The following COX10 variants were observed in gnomAD, a reference collection of about 807,000 sequenced individuals.
COX10 encodes the protein protoheme IX farnesyltransferase, mitochondrial.
A neutral mutation model predicts 37.3 loss-of-function variants in COX10; 27 were observed. The observed-to-expected ratio is 0.72, with a 90% CI of 0.53 to 1.00. COX10 has a LOEUF of 1.00. COX10 is among the 50% of genes least tolerant of loss of function. The pLI is 0.00. For synonymous variants in COX10, 222 were observed against 229.1 expected (o/e 0.97, Z 0.28); for missense variants, 475 against 563.2 (o/e 0.84, Z 1.59).
At chr17:14,138,094 T>G (rs753713092) in intron 4 of COX10, among the ~76,000 whole-genome samples, 54 of 152,024 alleles carry the variant, frequency 3.6e-4, no homozygotes, top group Non-Finnish European at 5.0e-4. Flanking sequence ...ATGAATAAAA[T>G]TTCCTTACAA....
At chr17:14,198,447 C>T (rs1906434547) in intron 6 of COX10, among the ~76,000 whole-genome samples, 1 of 152,066 alleles carries the variant, frequency 6.6e-6, no homozygotes, top group Admixed American at 6.5e-5. Flanking sequence ...TGAATAAGTC[C>T]CATGTTTCGG....
chr17:14,078,045 A>G (rs543233641), intron 3 of COX10, among the ~76,000 whole-genome samples: 162 of 152,058 alleles, frequency 1.1e-3, no homozygotes, highest in African/African-American at 3.8e-3. Context: ...TGAAGAAATG[A>G]TGAATAGACA....
chr17:14,193,119 G>C (rs1372103490), intron 6 of COX10, among the ~76,000 whole-genome samples: 1 of 152,200 alleles, frequency 6.6e-6, no homozygotes, highest in Non-Finnish European at 1.5e-5. Flanking sequence ...TAAAACGTAT[G>C]TGCTTGTGTG....
At chr17:14,096,367 T>G (rs1297317077) in intron 3 of COX10, among the ~76,000 whole-genome samples, 1 of 129,596 alleles carries the variant, frequency 7.7e-6, no homozygotes, top group Non-Finnish European at 1.5e-5. Flanking sequence ...TAGGTGTGTT[T>G]TTTTTTTTTT....
chr17:14,207,383 C>A lies in COX10; in HGVS notation c.*170C>A. ...TTTTTTTTAAATATTACCCAAAATG[C>A]TCCCCAAATAAGAAATGCATCAGCT... On this transcript the variant is annotated 3_prime_UTR_variant, in exon 7 of 7. Transcript: ENST00000261643. The A allele has an allele frequency of 1.2e-6, 1 of 861,158 alleles. No homozygotes were observed. The allele number at this position is 861,158 out of a possible 1,614,324, so 53.3% of individuals were successfully genotyped here.
intron 6 of COX10, among the ~76,000 whole-genome samples, chr17:14,195,742 C>T (rs1435817954): frequency 1.3e-5 from 2 of 152,160 alleles, no homozygotes; most frequent in Non-Finnish European, 2.9e-5. Flanking sequence ...GGCCCTACCC[C>T]TGGAACTTCT....
chr17:14,076,710 T>C (rs972768488), intron 2 of COX10, 25 bp from the exon 3 acceptor site: 9 of 1,612,974 alleles, frequency 5.6e-6, no homozygotes, highest in Admixed American at 3.3e-5. Flanking sequence ...CTTGGTTTTA[T>C]AGTAATGTGT....
intron 4 of COX10, among the ~76,000 whole-genome samples, chr17:14,131,567 C>T (rs1916467800): frequency 6.6e-6 from 1 of 151,810 alleles, no homozygotes; most frequent in South Asian, 2.1e-4. Flanking sequence ...TGGATGGTCA[C>T]ATTATGCCAT....
intron 3 of COX10, among the ~76,000 whole-genome samples, chr17:14,084,522 A>T (rs1426085249): frequency 6.6e-6 from 1 of 152,208 alleles, no homozygotes; most frequent in Non-Finnish European, 1.5e-5. Context: ...TGACTGAAAA[A>T]AATTAATATT....
At chr17:14,139,066 G>A (rs990612355) in intron 4 of COX10, among the ~76,000 whole-genome samples, 10 of 152,136 alleles carry the variant, frequency 6.6e-5, no homozygotes, top group Non-Finnish European at 1.3e-4. Context: ...GTTACAGTGA[G>A]GATTACATGA....
intron 4 of COX10, among the ~76,000 whole-genome samples, chr17:14,122,730 TAGTC>T (rs2142213874): frequency 6.6e-6 from 1 of 152,278 alleles, no homozygotes; most frequent in South Asian, 2.1e-4. Flanking sequence ...CACCATCTCT[TAGTC>T]ATGTTAAACA....
At chr17:14,126,960 A>ATAG (rs76366709) in intron 4 of COX10, among the ~76,000 whole-genome samples, 5 of 19,504 alleles carry the variant, frequency 2.6e-4, no homozygotes, top group Non-Finnish European at 5.8e-4. Context: ...TTTAGAAAAA[A>ATAG]ATAGATAGTG....
chr17:14,207,429 G>T lies in COX10; in HGVS notation c.*216G>T. On this transcript the variant is annotated 3_prime_UTR_variant, in exon 7 of 7. Transcript: ENST00000261643. ...CAGCTCAGTCAGTGAATACAAAAAA[G>T]GAATTATTTTTCCCTTTGAGGGTCT... 3.1e-6 allele frequency: 2 copies of T among 636,236 alleles called. No individual in the cohort carries two copies. The highest frequency in any genetic ancestry group is 5.2e-6 in the Non-Finnish European group (2 of 386,928). The allele number at this position is 636,236 out of a possible 1,614,324, so 39.4% of individuals were successfully genotyped here.
At chr17:14,194,583 C>T (rs537383928) in intron 6 of COX10, among the ~76,000 whole-genome samples, 8 of 152,250 alleles carry the variant, frequency 5.3e-5, no homozygotes, top group Non-Finnish European at 1.2e-4. Context: ...CCCGCCACCA[C>T]GCCCAGCTAA....
chr17:14,189,393 A>G (rs1409816108), intron 5 of COX10, among the ~76,000 whole-genome samples: 1 of 152,132 alleles, frequency 6.6e-6, no homozygotes. Context: ...CTTCAACATC[A>G]TCTGTTCTTA....
intron 3 of COX10, among the ~76,000 whole-genome samples, chr17:14,092,945 T>C (rs1915560765): frequency 6.6e-6 from 1 of 152,198 alleles, no homozygotes; most frequent in Admixed American, 6.6e-5. Flanking sequence ...AAAAGCTTAA[T>C]TCCATTGCTT....
At chr17:14,089,353 G>T (rs973462497) in intron 3 of COX10, among the ~76,000 whole-genome samples, 2 of 152,206 alleles carry the variant, frequency 1.3e-5, no homozygotes, top group African/African-American at 4.8e-5. Flanking sequence ...TCCATTAGTG[G>T]TTGTGGATGT....
rs114077933 is a variant in COX10 at position 14,157,241 on chromosome 17, A to G, written c.625-2636A>G. ...CGACACCTGCATACTGCATAGAGTA[A>G]GAACTTCTTGAAAGCAGGTTCTGAA... On this transcript the variant is annotated intron_variant, in intron 4 of 6. Coordinates refer to ENST00000261643, the MANE Select transcript of COX10 (RefSeq NM_001303.4). Among the ~76,000 whole-genome samples, 1,060 of 152,360 alleles carry G rather than the reference A, an allele frequency of 7.0e-3. 10 individuals carry two copies. Among genetic ancestry groups the G allele is most frequent in the African/African-American group, 0.024 (1,000 of 41,586 alleles).
At chr17:14,074,570 T>C in intron 2 of COX10, 114 bp downstream of exon 2, 2 of 1,004,480 alleles carry the variant, frequency 2.0e-6, no homozygotes, top group East Asian at 2.4e-5. Flanking sequence ...GAAAAGAACT[T>C]TTATTTAGTG....
Sources: gnomAD v4.1 joint callset for allele counts (sites outside exome capture counted in the v4.1 genomes callset) on GRCh38, gnomAD v4.1.1 for gene constraint, MANE v1.5 for transcripts, NCBI Gene and HGNC (gene_info 2026-07-23, HGNC 2026-07-21) for gene names.